CAMK1D: variants seen among roughly 807,000 people sequenced by gnomAD.
CAMK1D encodes calcium/calmodulin-dependent protein kinase type 1D.
Under a neutral mutation model 47.7 loss-of-function variants are expected in CAMK1D, and 9 were observed. The observed-to-expected ratio is 0.19, with a 90% CI of 0.11 to 0.33. The LOEUF (loss-of-function observed/expected upper bound fraction) is 0.33, where lower values mean the gene tolerates loss of function less well. Among genes scored for constraint, CAMK1D ranks in the 10% least tolerant of loss-of-function variants. The pLI is 1.00. For synonymous variants in CAMK1D, 184 were observed against 184.9 expected, an observed-to-expected ratio of 0.99 and a Z score of 0.04; for missense variants, 291 against 488.7, an observed-to-expected ratio of 0.60 and a Z score of 3.81.
intron 1 of CAMK1D, among the ~76,000 whole-genome samples, chr10:12,535,823 AAGCAAGTGT>A (rs1357328542): frequency 6.6e-6 from 1 of 152,150 alleles, no homozygotes; most frequent in African/African-American, 2.4e-5. Context: ...CCACACTAAG[AAGCAAGTGT>A]AGAATTTCCA....
At chr10:12,507,710 C>T (rs76006508) in intron 1 of CAMK1D, among the ~76,000 whole-genome samples, 239 of 152,222 alleles carry the variant, frequency 1.6e-3, no homozygotes, top group African/African-American at 5.6e-3. Context: ...CAGCCCGGTC[C>T]CTCCCCTGTT....
chr10:12,562,717 C>G (rs780798275), intron 2 of CAMK1D, among the ~76,000 whole-genome samples: 15 of 152,202 alleles, frequency 9.9e-5, no homozygotes, highest in Non-Finnish European at 1.6e-4. Flanking sequence ...GCCCTTCCCT[C>G]TGAGATTCCA....
chr10:12,683,379 C>T (rs1201331800), intron 3 of CAMK1D, among the ~76,000 whole-genome samples: 4 of 152,068 alleles, frequency 2.6e-5, no homozygotes, highest in South Asian at 2.1e-4. Flanking sequence ...AGCCACTGCA[C>T]CTGGCCATAA....
chr10:12,828,809 G>A lies in CAMK1D; in HGVS notation c.1080G>A (p.Ser360=), dbSNP rs142628083. 8.7e-5 allele frequency: 141 copies of A among 1,613,792 alleles called. No individual in the cohort carries two copies. Among genetic ancestry groups the A allele is most frequent in the South Asian group, 5.2e-4 (47 of 91,070 alleles). The change falls in exon 11 of 11, where the codon TCG becomes TCA. Residue 360 remains serine, a synonymous_variant. Transcript: ENST00000619168. The part of the protein sequence containing the change: ...PSTLCSFISS[S]SGVSGVGAER... ...CGCTCTGTAGTTTCATTTCTTCTTC[G>A]TCGGGGGTCTCAGGAGTTGGAGCCG...
chr10:12,694,183 TAA>T (rs1833108427), intron 3 of CAMK1D, among the ~76,000 whole-genome samples: 3 of 25,716 alleles, frequency 1.2e-4, no homozygotes, highest in Non-Finnish European at 2.1e-4. Flanking sequence ...ATATTATATA[TAA>T]TATAATATAT....
intron 1 of CAMK1D, among the ~76,000 whole-genome samples, chr10:12,524,924 A>C (rs1438462910): frequency 6.6e-6 from 1 of 152,172 alleles, no homozygotes; most frequent in Non-Finnish European, 1.5e-5. Context: ...CTGCTGATAA[A>C]GTATTTTTTT....
intron 2 of CAMK1D, among the ~76,000 whole-genome samples, chr10:12,585,319 TG>T (rs1206026986): frequency 6.6e-6 from 1 of 152,238 alleles, no homozygotes; most frequent in East Asian, 1.9e-4. Context: ...CCGGGCCTAC[TG>T]GCCTGGAGGC....
At chr10:12,431,667 G>C in intron 1 of CAMK1D, among the ~76,000 whole-genome samples, 1 of 152,178 alleles carries the variant, frequency 6.6e-6, no homozygotes, top group East Asian at 1.9e-4. Flanking sequence ...AGAGCTGGGG[G>C]CGTCCGTTCC....
intron 2 of CAMK1D, among the ~76,000 whole-genome samples, chr10:12,606,227 G>T (rs755112202): frequency 2.0e-5 from 3 of 152,172 alleles, no homozygotes; most frequent in Non-Finnish European, 4.4e-5. Flanking sequence ...TCTGAATCGG[G>T]CATCACTTTC....
intron 9 of CAMK1D, 112 bp from the exon 10 acceptor site, chr10:12,825,461 G>T: frequency 1.0e-6 from 1 of 996,934 alleles, no homozygotes. Context: ...GCATGAGAAT[G>T]ATGTAAGGAG....
intron 2 of CAMK1D, among the ~76,000 whole-genome samples, chr10:12,594,838 T>A (rs967304223): frequency 2.6e-5 from 4 of 152,032 alleles, no homozygotes; most frequent in Non-Finnish European, 5.9e-5. Context: ...TCCCAGGAAG[T>A]GGTTGACGTA....
intron 5 of CAMK1D, among the ~76,000 whole-genome samples, chr10:12,785,030 G>C (rs1362533330): frequency 6.6e-6 from 1 of 152,168 alleles, no homozygotes; most frequent in African/African-American, 2.4e-5. Flanking sequence ...ATGCACCTGG[G>C]AACCCAACCG....
At chr10:12,624,402 A>C (rs1839141512) in intron 2 of CAMK1D, among the ~76,000 whole-genome samples, 1 of 152,062 alleles carries the variant, frequency 6.6e-6, no homozygotes, top group Non-Finnish European at 1.5e-5. Context: ...TAACTGCCTA[A>C]TTTCCCTCCC....
intron 2 of CAMK1D, among the ~76,000 whole-genome samples, chr10:12,606,861 C>T (rs1294075648): frequency 1.3e-5 from 2 of 152,030 alleles, no homozygotes; most frequent in East Asian, 3.9e-4. Flanking sequence ...TGGAGTCTCG[C>T]TCTGTCACCG....
intron 2 of CAMK1D, among the ~76,000 whole-genome samples, chr10:12,646,383 C>A (rs1352501967): frequency 6.6e-6 from 1 of 152,000 alleles, no homozygotes; most frequent in South Asian, 2.1e-4. Context: ...AAATAGTAAA[C>A]GTTTTTTTCT....
intron 2 of CAMK1D, among the ~76,000 whole-genome samples, chr10:12,648,454 G>T (rs1456719593): frequency 1.3e-5 from 2 of 152,056 alleles, no homozygotes; most frequent in African/African-American, 4.8e-5. Flanking sequence ...TCTTTCGCTT[G>T]CTATTTATTT....
At chr10:12,809,635 A>G (rs1184843539) in intron 6 of CAMK1D, among the ~76,000 whole-genome samples, 1 of 152,258 alleles carries the variant, frequency 6.6e-6, no homozygotes, top group Non-Finnish European at 1.5e-5. Context: ...AGCCAGGCAT[A>G]GAAAGACATA....
At chr10:12,378,814 CTTTT>C (rs11291856) in intron 1 of CAMK1D, among the ~76,000 whole-genome samples, 13 of 122,796 alleles carry the variant, frequency 1.1e-4, no homozygotes, top group Non-Finnish European at 1.2e-4. Flanking sequence ...TTTTTCTTTT[CTTTT>C]TTTTTTTTTT....
At chr10:12,648,663 G>T (rs1020327150) in intron 2 of CAMK1D, among the ~76,000 whole-genome samples, 6 of 152,030 alleles carry the variant, frequency 3.9e-5, no homozygotes, top group Non-Finnish European at 7.4e-5. Flanking sequence ...TAGAGGTGGG[G>T]TTTCGCTATC....
Sources: gnomAD v4.1 joint callset for allele counts (sites outside exome capture counted in the v4.1 genomes callset) on GRCh38, gnomAD v4.1.1 for gene constraint, MANE v1.5 for transcripts, NCBI Gene and HGNC (gene_info 2026-07-23, HGNC 2026-07-21) for gene names.